The following USP43 variants were observed in gnomAD, a reference collection of about 807,000 sequenced individuals.
USP43 encodes the protein ubiquitin carboxyl-terminal hydrolase 43.
USP43 carries 33 observed loss-of-function variants against 90.7 expected under a neutral mutation model. The ratio of observed to expected loss-of-function variants is 0.36; its 90% CI spans 0.28 to 0.49. The LOEUF (loss-of-function observed/expected upper bound fraction) is 0.49. Ranked by LOEUF, USP43 falls within the 20% of genes least tolerant of loss-of-function variation. The pLI is 0.98. For missense variants in USP43, 1,274 were observed against 1,476.4 expected, an observed-to-expected ratio of 0.86 and a Z score of 2.25; for synonymous variants, 598 against 615.8, an observed-to-expected ratio of 0.97 and a Z score of 0.43.
At chr17:9,651,819 G>T (rs79996016) in intron 1 of USP43, among the ~76,000 whole-genome samples, 3,967 of 152,166 alleles carry the variant, frequency 0.026, 173 homozygotes, top group African/African-American at 0.09. Context: ...ACATAAAATG[G>T]AAATGGAGTA....
chr17:9,711,514 C>T (rs1038615926), intron 13 of USP43, among the ~76,000 whole-genome samples: 8 of 152,240 alleles, frequency 5.3e-5, no homozygotes, highest in East Asian at 1.9e-4. Flanking sequence ...CTGCAACCTC[C>T]GCCTCCCAGG....
At chr17:9,669,507 C>T (rs1251784508) in intron 3 of USP43, among the ~76,000 whole-genome samples, 1 of 152,176 alleles carries the variant, frequency 6.6e-6, no homozygotes, top group Non-Finnish European at 1.5e-5. Flanking sequence ...CATTCATGCC[C>T]TACTGCGTGC....
chr17:9,713,002 T>C (rs983329578), intron 14 of USP43, among the ~76,000 whole-genome samples: 3 of 152,168 alleles, frequency 2.0e-5, no homozygotes, highest in Non-Finnish European at 4.4e-5. Flanking sequence ...CAAATCTCTC[T>C]AGCTGTTTTG....
intron 14 of USP43, among the ~76,000 whole-genome samples, chr17:9,714,001 T>C (rs1204102284): frequency 2.0e-5 from 3 of 152,166 alleles, no homozygotes; most frequent in African/African-American, 7.2e-5. Flanking sequence ...CTGTTCCACC[T>C]CAGATCATCA....
chr17:9,674,923 A>G lies in USP43; in HGVS notation c.773A>G (p.Gln258Arg). 6.2e-7 allele frequency: 1 copy of G among 1,614,050 alleles called. No homozygotes were observed. The highest frequency in any genetic ancestry group is 2.2e-5 in the East Asian group (1 of 44,882). The change falls in exon 4 of 15, where the codon CAG (glutamine) becomes CGG (arginine). Residue 258 changes from glutamine (Q) to arginine (R), a missense_variant. Gln to Arg is a conservative substitution (Grantham distance 43, BLOSUM62 1). This residue lies in a region of USP43 where 259 missense variants were observed against 373.7 expected (regional missense o/e 0.69). Transcript: ENST00000285199. This position sits in a 1 kb window ranked among gnomAD's most constrained non-coding sequence, Gnocchi z 4.4. ...SSLTCPHCLK[Q>R]SNTFDPFLCV... ...TTGACTTGTCCCCACTGCCTGAAACAGAGCAACACCTTTGATCCTTTCCTG... is the reference window on the plus strand; with the variant it reads ...TTGACTTGTCCCCACTGCCTGAAACGGAGCAACACCTTTGATCCTTTCCTG...
Position 9,656,528 on chromosome 17 carries a change from G to A in USP43, c.630G>A (p.Ser210=), listed in dbSNP as rs779240293. The A allele has an allele frequency of 2.8e-5, 45 of 1,610,290 alleles. No individual in the cohort carries two copies. Among genetic ancestry groups the A allele is most frequent in the Middle Eastern group, 1.7e-4 (1 of 6,048 alleles). ...AGGGTTCATCCCGAGGGCCGGTGTC[G>A]GAGAAGGTCGGTCACTCTCAAAACA... The part of the protein sequence containing the change: ...DLEGSSRGPV[S]EKLPPEATKT... Residue 210 remains serine (S), a synonymous_variant, in exon 2 of 15, where the codon TCG becomes TCA. Coordinates refer to ENST00000285199, the MANE Select transcript of USP43 (RefSeq NM_153210.5).
chr17:9,717,359 CAG>C (rs1916641764), intron 14 of USP43, among the ~76,000 whole-genome samples: 2 of 132,206 alleles, frequency 1.5e-5, no homozygotes, highest in Non-Finnish European at 3.1e-5. Flanking sequence ...TGCTTGGGCA[CAG>C]TGTGTGTGTG....
rs1913652268 is a variant in USP43 at position 9,674,734 on chromosome 17, TG to T, written c.741-156del. On this transcript the variant is annotated intron_variant, in intron 3 of 14. Transcript: ENST00000285199. The surrounding 1 kb of genome is among the most constrained non-coding windows in gnomAD (Gnocchi z 4.4). ...TGAATAGAGCAGCTATGAACACTTGTGTACAAGTATTTGAACACCTGTTCTC... is the reference window on the plus strand; with the variant it reads ...TGAATAGAGCAGCTATGAACACTTGTTACAAGTATTTGAACACCTGTTCTC... Among the ~76,000 whole-genome samples, 1 of 152,246 alleles carries T rather than the reference TG, an allele frequency of 6.6e-6. No individual in the cohort carries two copies. Among genetic ancestry groups the T allele is most frequent in the Non-Finnish European group, 1.5e-5 (1 of 68,044 alleles).
chr17:9,710,064 A>T lies in USP43; in HGVS notation c.2120A>T (p.Tyr707Phe), dbSNP rs760745118. 13 of 1,562,756 alleles carry T rather than the reference A, an allele frequency of 8.3e-6. No homozygotes were observed. The South Asian group carries it at 1.6e-4, about 19-fold the overall frequency. ...ACCAGAGGGGCTTATATCCTGTTCT[A>T]TCAGAAGCGGAACAGCATCCCTCCC... ...VNTRGAYILFYQKRNSIPPWS... is the reference protein window; with the variant it reads ...VNTRGAYILFFQKRNSIPPWS... Residue 707 changes from tyrosine (Y) to phenylalanine (F), a missense_variant, in exon 13 of 15, where the codon TAT (tyrosine) becomes TTT (phenylalanine). Physicochemically the swap from Tyr to Phe is conservative, Grantham distance 22. This residue lies in a region of USP43 where 285 missense variants were observed against 349.6 expected (regional missense o/e 0.82). Coordinates refer to ENST00000285199, the MANE Select transcript of USP43 (RefSeq NM_153210.5).
At chr17:9,652,212 C>CAAAAAAAAAAAAAAAAAAAAAAAAAAA (rs769295315) in intron 1 of USP43, among the ~76,000 whole-genome samples, 2 of 42,718 alleles carry the variant, frequency 4.7e-5, no homozygotes, top group African/African-American at 1.8e-4. Context: ...GCCCTTAGCG[C>CAAAAAAAAAAAAAAAAAAAAAAAAAAA]AAAAAAAAAA....
chr17:9,683,273 G>A (rs2151977787), intron 7 of USP43, among the ~76,000 whole-genome samples: 1 of 152,264 alleles, frequency 6.6e-6, no homozygotes, highest in East Asian at 1.9e-4. Flanking sequence ...AAGAAAAGAG[G>A]TGATAATTTG....
intron 14 of USP43, among the ~76,000 whole-genome samples, chr17:9,719,520 C>T (rs553040724): frequency 3.2e-4 from 48 of 152,276 alleles, no homozygotes; most frequent in Non-Finnish European, 5.7e-4. Context: ...ATCTGAGATT[C>T]GGTGTGAAGC....
rs1411429972 is a variant in USP43 at position 9,645,534 on chromosome 17, A to G, written c.-99A>G. The G allele has an allele frequency of 1.3e-5, 14 of 1,064,788 alleles. No individual in the cohort carries two copies. The highest frequency in any genetic ancestry group is 1.6e-5 in the Non-Finnish European group (14 of 862,528). 66.0% of individuals were successfully genotyped at this position (1,064,788 alleles called of 1,614,324 possible). A position where few individuals can be genotyped will look rare whatever the true frequency, so the allele number is the denominator to read the frequency against. ...GTCCCCGCACACCTGGCCCGCAGGT[A>G]GCCGGCACCAGGAGCCTTAGAGAAG... On this transcript the variant is annotated 5_prime_UTR_variant, in exon 1 of 15. Coordinates refer to ENST00000285199, the MANE Select transcript of USP43 (RefSeq NM_153210.5). This position sits in a 1 kb window ranked among gnomAD's most constrained non-coding sequence, Gnocchi z 6.8.
chr17:9,682,986 G>T, intron 7 of USP43, 28 bp downstream of exon 7: 2 of 1,607,398 alleles, frequency 1.2e-6, no homozygotes, highest in Middle Eastern at 1.7e-4. Context: ...CTTTTTTCAT[G>T]TGGTGTCTGG....
intron 2 of USP43, among the ~76,000 whole-genome samples, chr17:9,664,574 G>A (rs978500226): frequency 1.3e-5 from 2 of 151,994 alleles, no homozygotes; most frequent in Non-Finnish European, 2.9e-5. Context: ...CATGGGGGGA[G>A]TGATGATGAA....
chr17:9,719,730 G>T (rs1916824082), intron 14 of USP43, among the ~76,000 whole-genome samples: 1 of 152,142 alleles, frequency 6.6e-6, no homozygotes, highest in Non-Finnish European at 1.5e-5. Flanking sequence ...CTAAAATAGT[G>T]ACAGATTTTG....
chr17:9,727,054 C>T (rs1458536485), intron 14 of USP43, among the ~76,000 whole-genome samples: 1 of 152,010 alleles, frequency 6.6e-6, no homozygotes, highest in Admixed American at 6.5e-5. Context: ...GCAACCTCCA[C>T]CTCCACCTCC....
rs1913647122 is a variant in USP43 at position 9,674,632 on chromosome 17, A to G, written c.741-259A>G. 6.6e-6 allele frequency among the ~76,000 whole-genome samples: 1 copy of G among 152,154 alleles called. No homozygotes were observed. Among genetic ancestry groups the G allele is most frequent in the Non-Finnish European group, 1.5e-5 (1 of 68,020 alleles). On this transcript the variant is annotated intron_variant, in intron 3 of 14. Coordinates refer to ENST00000285199, the MANE Select transcript of USP43 (RefSeq NM_153210.5). The surrounding 1 kb of genome is among the most constrained non-coding windows in gnomAD (Gnocchi z 4.4). ...CCTTTCTATGGCTGAGTTGTACTCT[A>G]CTATGTGGACGTATCATATTCTGTT...
At chr17:9,646,219 C>CT in intron 1 of USP43, 83 bp downstream of exon 1, 1 of 1,351,222 alleles carries the variant, frequency 7.4e-7, no homozygotes. Flanking sequence ...AAAGGGTTTT[C>CT]TTGGGGCCTT....
Sources: allele counts gnomAD v4.1 joint callset (sites outside exome capture counted in the v4.1 genomes callset), GRCh38; gene constraint gnomAD v4.1.1; regional missense constraint gnomAD v4.1.1; non-coding constraint Gnocchi (gnomAD v3.1); transcripts MANE v1.5; gene names NCBI Gene and HGNC (gene_info 2026-07-23, HGNC 2026-07-21).